The following CSMD1 variants were observed in gnomAD, a reference collection of about 807,000 sequenced individuals.
The protein encoded by CSMD1 is CUB and Sushi multiple domains 1.
In CSMD1, 213 loss-of-function variants were observed where a neutral mutation model predicts 417.5. The ratio of observed to expected loss-of-function variants is 0.51; its 90% CI spans 0.46 to 0.57. The LOEUF (loss-of-function observed/expected upper bound fraction) is 0.57. Ranked by LOEUF, CSMD1 falls within the 20% of genes least tolerant of loss-of-function variation. CSMD1 has a pLI of 0.00. For synonymous variants in CSMD1, 2,862 were observed against 1,736.8 expected, an observed-to-expected ratio of 1.65 and a Z score of -16.11; for missense variants, 6,923 against 4,529.7, an observed-to-expected ratio of 1.53 and a Z score of -15.17.
At chr8:3,523,565 G>A (rs551762258) in intron 10 of CSMD1, among the ~76,000 whole-genome samples, 18 of 151,466 alleles carry the variant, frequency 1.2e-4, no homozygotes, top group African/African-American at 1.7e-4. Context: ...GCACACAGAT[G>A]CACACACACA....
chr8:3,893,937 G>C (rs377430253), intron 5 of CSMD1, among the ~76,000 whole-genome samples: 1 of 151,852 alleles, frequency 6.6e-6, no homozygotes, highest in African/African-American at 2.4e-5. Flanking sequence ...GTTACCGCAC[G>C]TGTGCACCCA....
intron 18 of CSMD1, among the ~76,000 whole-genome samples, chr8:3,385,047 A>C (rs1210212295): frequency 1.7e-5 from 2 of 115,868 alleles, no homozygotes; most frequent in African/African-American, 7.1e-5. Context: ...ATAATATATA[A>C]ATATATAATA....
chr8:3,401,900 A>G (rs148402284), intron 15 of CSMD1, among the ~76,000 whole-genome samples: 260 of 152,280 alleles, frequency 1.7e-3, no homozygotes, highest in African/African-American at 5.4e-3. Flanking sequence ...GCTGATAACA[A>G]AAAAAGCAAA....
rs185486401 is a variant in CSMD1, at chr8:4,471,647, A to G, written c.303-51582T>C. On this transcript the variant is annotated intron_variant, in intron 2 of 69. Transcript: ENST00000635120. Reference sequence around the variant, plus strand: ...ACTCTGCGGCGACTGGTTGGAAAGAACTGGGAATGCTCACCCTGGTTGAGG... The same window carrying G: ...ACTCTGCGGCGACTGGTTGGAAAGAGCTGGGAATGCTCACCCTGGTTGAGG... Among the ~76,000 whole-genome samples the G allele has an allele frequency of 1.6e-3, 247 of 152,298 alleles. 1 individual carries two copies. Among genetic ancestry groups the G allele is most frequent in the African/African-American group, 5.2e-3 (215 of 41,574 alleles).
chr8:4,764,336 A>G (rs1029359567), intron 1 of CSMD1, among the ~76,000 whole-genome samples: 1 of 152,202 alleles, frequency 6.6e-6, no homozygotes, highest in African/African-American at 2.4e-5. Flanking sequence ...TAAATTTAGA[A>G]CCTAGAAATT....
intron 3 of CSMD1, among the ~76,000 whole-genome samples, chr8:4,267,972 G>A (rs558439623): frequency 6.6e-6 from 1 of 152,046 alleles, no homozygotes; most frequent in East Asian, 1.9e-4. Flanking sequence ...CTATTTTCTA[G>A]AGTCAGTACA....
At chr8:3,884,237 C>G (rs374404710) in intron 5 of CSMD1, among the ~76,000 whole-genome samples, 3 of 152,134 alleles carry the variant, frequency 2.0e-5, no homozygotes, top group Non-Finnish European at 2.9e-5. Flanking sequence ...TCCTTTGATA[C>G]GCCTCTAATG....
At chr8:4,563,518 C>T (rs73184923) in intron 2 of CSMD1, among the ~76,000 whole-genome samples, 2 of 152,122 alleles carry the variant, frequency 1.3e-5, no homozygotes, top group Non-Finnish European at 2.9e-5. Context: ...ACCTGCCCTG[C>T]CCCACGCACT....
intron 5 of CSMD1, among the ~76,000 whole-genome samples, chr8:3,901,012 A>C (rs1328325292): frequency 1.3e-5 from 2 of 152,156 alleles, no homozygotes; most frequent in African/African-American, 2.4e-5. Context: ...TCATAGTGTT[A>C]TCATTATTGA....
Position 4,367,313 on chromosome 8 carries a change from G to T in CSMD1, c.415+52640C>A, listed in dbSNP as rs554790319. On this transcript the variant is annotated intron_variant, in intron 3 of 69. Coordinates refer to ENST00000635120, the MANE Select transcript of CSMD1 (RefSeq NM_033225.6). ...TTTCCCAGCTCCATTTTTTAAATAG[G>T]GAGTCCTTTCCCCATTGTCTGATAT... Among the ~76,000 whole-genome samples the T allele has an allele frequency of 8.5e-5, 13 of 152,208 alleles. No individual in the cohort carries two copies. In the East Asian group the frequency reaches 2.5e-3, roughly 29 times the overall value.
intron 1 of CSMD1, among the ~76,000 whole-genome samples, chr8:4,826,319 G>C (rs1352171051): frequency 2.0e-5 from 3 of 151,998 alleles, no homozygotes; most frequent in African/African-American, 4.8e-5. Context: ...ATGTGTGTGT[G>C]TGTATATATA....
chr8:3,675,703 G>A (rs574069518), intron 7 of CSMD1, among the ~76,000 whole-genome samples: 2 of 152,016 alleles, frequency 1.3e-5, no homozygotes, highest in Admixed American at 1.3e-4. Flanking sequence ...ACGGGTCCTT[G>A]CAAGACTCTG....
intron 3 of CSMD1, among the ~76,000 whole-genome samples, chr8:4,086,621 C>G (rs543797743): frequency 6.6e-6 from 1 of 152,164 alleles, no homozygotes; most frequent in African/African-American, 2.4e-5. Flanking sequence ...AATGCAGACG[C>G]GAGACTTTTC....
intron 41 of CSMD1, among the ~76,000 whole-genome samples, chr8:3,130,080 A>G (rs1420777948): frequency 6.6e-6 from 1 of 152,234 alleles, no homozygotes; most frequent in East Asian, 1.9e-4. Flanking sequence ...AGATACACCA[A>G]TTAATTGACA....
chr8:3,615,287 C>T (rs529731110), intron 8 of CSMD1, among the ~76,000 whole-genome samples: 1 of 152,076 alleles, frequency 6.6e-6, no homozygotes, highest in African/African-American at 2.4e-5. Context: ...ACAGTTTGTG[C>T]CCCAGAACTC....
rs543347584 is a variant in CSMD1 at position 4,772,953 on chromosome 8, A to T, written c.86-135395T>A. 2.6e-5 allele frequency among the ~76,000 whole-genome samples: 4 copies of T among 152,322 alleles called. No homozygotes were observed. The East Asian group carries it at 5.8e-4, about 22-fold the overall frequency. ...CATCCCTGCAACATTGCTGGAATAT[A>T]ACACATGGGACATTTAAAGATACAT... is the stretch of plus-strand genomic sequence containing the variant. On this transcript the variant is annotated intron_variant, in intron 1 of 69. Coordinates refer to ENST00000635120, the MANE Select transcript of CSMD1 (RefSeq NM_033225.6).
chr8:4,288,084 G>A (rs190556375), intron 3 of CSMD1, among the ~76,000 whole-genome samples: 201 of 152,256 alleles, frequency 1.3e-3, no homozygotes, highest in Non-Finnish European at 1.7e-3. Flanking sequence ...TACTTTTACT[G>A]AGCCTTAGTT....
In CSMD1 at chr8:3,343,363, T is replaced by C; in HGVS notation, c.3562A>G (p.Asn1188Asp). ...GTGTTGAACTCTAGCCACAGGTGAT[T>C]GGATGTGCTGTTTAGGATCAGCCCC... Reference protein sequence around the residue: ...LLGLILNSTSNHLWLEFNTNG... With the variant: ...LLGLILNSTSDHLWLEFNTNG... Residue 1188 changes from asparagine to aspartate, a missense_variant, in exon 23 of 70, where the codon AAT (asparagine) becomes GAT (aspartate). Transcript: ENST00000635120. 1 of 1,613,822 alleles carries C rather than the reference T, an allele frequency of 6.2e-7. No homozygotes were observed. Among genetic ancestry groups the C allele is most frequent in the Non-Finnish European group, 8.5e-7 (1 of 1,179,760 alleles).
chr8:4,076,959 T>C (rs561598028), intron 3 of CSMD1, among the ~76,000 whole-genome samples: 3 of 152,246 alleles, frequency 2.0e-5, no homozygotes, highest in African/African-American at 7.2e-5. Context: ...GATAACACTT[T>C]CCTCTGAATT....
Sources: allele counts gnomAD v4.1 joint callset (sites outside exome capture counted in the v4.1 genomes callset), GRCh38; gene constraint gnomAD v4.1.1; transcripts MANE v1.5; gene names NCBI Gene and HGNC (gene_info 2026-07-23, HGNC 2026-07-21).